The following INPP5D variants were observed in gnomAD, a reference collection of about 807,000 sequenced individuals.
INPP5D encodes the protein inositol polyphosphate-5-phosphatase D.
INPP5D carries 33 observed loss-of-function variants against 122.9 expected under a neutral mutation model. The observed-to-expected ratio is 0.27, with a 90% CI of 0.20 to 0.36. The LOEUF (loss-of-function observed/expected upper bound fraction) is 0.36. Among genes scored for constraint, INPP5D ranks in the 10% least tolerant of loss-of-function variants. The probability of loss-of-function intolerance (pLI) is 1.00; values close to 1 mark genes in which losing one functional copy is unlikely to be tolerated. For synonymous variants in INPP5D, 584 were observed against 576.2 expected, an observed-to-expected ratio of 1.01 and a Z score of -0.19; for missense variants, 1,053 against 1,412.7, an observed-to-expected ratio of 0.75 and a Z score of 4.08.
chr2:233,201,397 C>A (rs1362627044), intron 25 of INPP5D, among the ~76,000 whole-genome samples: 3 of 152,254 alleles, frequency 2.0e-5, no homozygotes, highest in African/African-American at 7.2e-5. Context: ...CCCACAGCCC[C>A]ATGGTGACAG....
chr2:233,066,151 G>T (rs1465477332), intron 1 of INPP5D, among the ~76,000 whole-genome samples: 1 of 151,998 alleles, frequency 6.6e-6, no homozygotes, highest in Non-Finnish European at 1.5e-5. Flanking sequence ...ACAGGGTTTT[G>T]CTATGTTGCC....
intron 6 of INPP5D, among the ~76,000 whole-genome samples, chr2:233,145,760 T>C (rs535115973): frequency 1.3e-5 from 2 of 152,046 alleles, no homozygotes; most frequent in Admixed American, 1.3e-4. Context: ...CATTTTCTCC[T>C]CTACGTGGAG....
intron 2 of INPP5D, among the ~76,000 whole-genome samples, chr2:233,104,982 C>G (rs962119314): frequency 3.3e-5 from 5 of 152,160 alleles, no homozygotes; most frequent in African/African-American, 1.2e-4. Context: ...TAAATTGCAC[C>G]TCCAAATTTG....
chr2:233,167,162 G>T (rs1342961911), intron 13 of INPP5D, among the ~76,000 whole-genome samples: 1 of 149,962 alleles, frequency 6.7e-6, no homozygotes, highest in Admixed American at 6.7e-5. Context: ...CCTGAGACCG[G>T]GAGTTTGAGA....
intron 1 of INPP5D, among the ~76,000 whole-genome samples, chr2:233,066,883 A>G (rs1691243290): frequency 6.6e-6 from 1 of 152,100 alleles, no homozygotes; most frequent in African/African-American, 2.4e-5. Flanking sequence ...AATTCAAGCA[A>G]TCCTCTGCCT....
chr2:233,126,006 T>C, intron 4 of INPP5D, 87 bp downstream of exon 4: 6 of 1,322,934 alleles, frequency 4.5e-6, no homozygotes, highest in Non-Finnish European at 6.2e-6. Context: ...TCGATCCTAG[T>C]TATGGGCCTG....
At chr2:233,159,616 C>T (rs558205902) in intron 10 of INPP5D, among the ~76,000 whole-genome samples, 50 of 147,276 alleles carry the variant, frequency 3.4e-4, no homozygotes, top group Admixed American at 1.5e-3. Context: ...ATCGCTTGAA[C>T]CCAGGAGTTT....
At position 233,108,101 on chromosome 2, in the gene INPP5D, C is replaced by T. The variant is rs559131657; in HGVS notation, c.199-14006C>T. Reference sequence around the variant, plus strand: ...GACCTCCTGTCCTCCAGGAGGTAGACGCCCCAAATGCCAGGTTTCACACCA... The same window carrying T: ...GACCTCCTGTCCTCCAGGAGGTAGATGCCCCAAATGCCAGGTTTCACACCA... On this transcript the variant is annotated intron_variant, in intron 2 of 26. Transcript: ENST00000445964. 3.9e-5 allele frequency among the ~76,000 whole-genome samples: 6 copies of T among 152,244 alleles called. No homozygotes were observed. In the East Asian group the frequency reaches 5.8e-4, roughly 15 times the overall value.
At chr2:233,178,816 C>T (rs1456444520) in intron 18 of INPP5D, among the ~76,000 whole-genome samples, 2 of 152,124 alleles carry the variant, frequency 1.3e-5, no homozygotes, top group Admixed American at 6.6e-5. Flanking sequence ...CTGCGAATTC[C>T]CACACAATGG....
At chr2:233,066,756 G>A (rs1347905121) in intron 1 of INPP5D, among the ~76,000 whole-genome samples, 1 of 151,272 alleles carries the variant, frequency 6.6e-6, no homozygotes, top group Non-Finnish European at 1.5e-5. Context: ...ACAGGCGCAT[G>A]CCACCATGCC....
chr2:233,131,263 G>T, intron 5 of INPP5D: 1 of 349,208 alleles, frequency 2.9e-6, no homozygotes, highest in Non-Finnish European at 4.0e-6. Flanking sequence ...ATTGTTAAAA[G>T]TGCAAAAGTA....
intron 6 of INPP5D, among the ~76,000 whole-genome samples, chr2:233,144,567 T>C (rs1481118563): frequency 6.8e-6 from 1 of 146,638 alleles, no homozygotes; most frequent in Non-Finnish European, 1.5e-5. Flanking sequence ...AGGGTGGAGA[T>C]GGTGGTAGTG....
chr2:233,102,508 G>T lies in INPP5D; in HGVS notation c.199-19599G>T, dbSNP rs1233236955. Among the ~76,000 whole-genome samples the T allele has an allele frequency of 2.0e-5, 3 of 152,248 alleles. No homozygotes were observed. In the East Asian group the frequency reaches 5.8e-4, roughly 29 times the overall value. On this transcript the variant is annotated intron_variant, in intron 2 of 26. Coordinates refer to ENST00000445964, the MANE Select transcript of INPP5D (RefSeq NM_001017915.3). ...TTGGCAATTAATTCAGCTCAAATCA[G>T]AGAAGCCACAGCAGAGCTAAGAACC... is the stretch of plus-strand genomic sequence containing the variant.
intron 23 of INPP5D, 34 bp from the exon 24 acceptor site, chr2:233,195,358 GCTGGGCC>G: frequency 1.9e-6 from 3 of 1,613,322 alleles, no homozygotes; most frequent in Non-Finnish European, 2.5e-6. Context: ...AGCTCTGGAA[GCTGGGCC>G]CTCACATGCT....
At chr2:233,074,665 C>T (rs891325540) in intron 1 of INPP5D, among the ~76,000 whole-genome samples, 2 of 151,866 alleles carry the variant, frequency 1.3e-5, no homozygotes, top group Admixed American at 1.3e-4. Flanking sequence ...GTTCTCCTAC[C>T]CCATCTTGTC....
chr2:233,117,770 C>T (rs1318902923), intron 2 of INPP5D, among the ~76,000 whole-genome samples: 1 of 152,198 alleles, frequency 6.6e-6, no homozygotes, highest in East Asian at 1.9e-4. Context: ...TCACATTTTG[C>T]CTTTTACAGT....
At chr2:233,137,931 GTATT>G (rs1274718847) in intron 5 of INPP5D, among the ~76,000 whole-genome samples, 4 of 60,956 alleles carry the variant, frequency 6.6e-5, no homozygotes, top group Non-Finnish European at 1.4e-4. Flanking sequence ...TAATATGTTA[GTATT>G]TATTATTATG....
At chr2:233,080,596 G>T (rs1000079737) in intron 2 of INPP5D, among the ~76,000 whole-genome samples, 1 of 152,186 alleles carries the variant, frequency 6.6e-6, no homozygotes, top group African/African-American at 2.4e-5. Flanking sequence ...CAATGACGGC[G>T]TTGGAGGAGT....
intron 25 of INPP5D, among the ~76,000 whole-genome samples, chr2:233,203,550 T>G (rs1451622427): frequency 6.6e-6 from 1 of 152,200 alleles, no homozygotes; most frequent in Non-Finnish European, 1.5e-5. Flanking sequence ...TTCCTTTTTT[T>G]CACTTGAGGT....
Sources: gnomAD v4.1 joint callset for allele counts (sites outside exome capture counted in the v4.1 genomes callset) on GRCh38, gnomAD v4.1.1 for gene constraint, MANE v1.5 for transcripts, NCBI Gene and HGNC (gene_info 2026-07-23, HGNC 2026-07-21) for gene names.